The following GREB1L variants were observed in gnomAD, a reference collection of about 807,000 sequenced individuals.
The protein encoded by GREB1L is GREB1 like retinoic acid receptor coactivator.
GREB1L carries 17 observed loss-of-function variants against 200.8 expected under a neutral mutation model. That is an observed-to-expected ratio of 0.08 (90% CI 0.06 to 0.13). The LOEUF is 0.13. Ranked by LOEUF, GREB1L falls within the 10% of genes least tolerant of loss-of-function variation. The pLI is 1.00. For missense variants in GREB1L, 1,657 were observed against 2,367.7 expected (o/e 0.70, Z 6.23); for synonymous variants, 789 against 893.0 (o/e 0.88, Z 2.08).
chr18:21,311,788 G>A (rs112406458), intron 1 of GREB1L, among the ~76,000 whole-genome samples: 4 of 152,084 alleles, frequency 2.6e-5, no homozygotes, highest in African/African-American at 9.6e-5. Context: ...ATGTGGAAAT[G>A]TATACATTTT....
chr18:21,444,204 A>T lies in GREB1L; in HGVS notation c.1208-20A>T, dbSNP rs1386204607. The T allele has an allele frequency of 2.6e-6, 4 of 1,536,240 alleles. No individual in the cohort carries two copies. In the South Asian group the frequency reaches 3.6e-5, roughly 14 times the overall value. On this transcript the variant is annotated intron_variant, in intron 10 of 32. Transcript: ENST00000424526. ...TAAAAAGAAATGTTGAACTGTACTG[A>T]CCTGCTTCTATTGGGACAGGCTATG...
At chr18:21,339,522 A>G (rs751069911) in intron 1 of GREB1L, among the ~76,000 whole-genome samples, 4 of 152,240 alleles carry the variant, frequency 2.6e-5, no homozygotes, top group South Asian at 2.1e-4. Flanking sequence ...TGAAAAGCAT[A>G]TGATAGATTT....
intron 1 of GREB1L, among the ~76,000 whole-genome samples, chr18:21,352,216 TA>T (rs1412250695): frequency 6.6e-6 from 1 of 152,158 alleles, no homozygotes; most frequent in Non-Finnish European, 1.5e-5. Context: ...AATGGGGTAT[TA>T]AAAACAAGTT....
intron 1 of GREB1L, among the ~76,000 whole-genome samples, chr18:21,278,932 T>C (rs1195188261): frequency 1.3e-5 from 2 of 152,196 alleles, no homozygotes; most frequent in Non-Finnish European, 2.9e-5. Flanking sequence ...ATAGTTCCTA[T>C]ACATCTGAAC....
chr18:21,448,429 A>G (rs1156839697), intron 11 of GREB1L, among the ~76,000 whole-genome samples: 1 of 152,202 alleles, frequency 6.6e-6, no homozygotes, highest in Non-Finnish European at 1.5e-5. Context: ...CCCAGAAAAG[A>G]TGGGAAGGGC....
intron 1 of GREB1L, among the ~76,000 whole-genome samples, chr18:21,295,628 C>T (rs919519155): frequency 2.0e-5 from 3 of 152,184 alleles, no homozygotes; most frequent in Non-Finnish European, 4.4e-5. Flanking sequence ...CCTGCCAGGC[C>T]TTGAGCATAT....
intron 1 of GREB1L, among the ~76,000 whole-genome samples, chr18:21,298,856 T>C (rs2038571545): frequency 6.8e-6 from 1 of 146,530 alleles, no homozygotes; most frequent in Non-Finnish European, 1.5e-5. Context: ...ATCACTGGAG[T>C]CTGGGAGGTT....
At chr18:21,257,232 T>G (rs2037815236) in intron 1 of GREB1L, among the ~76,000 whole-genome samples, 1 of 152,092 alleles carries the variant, frequency 6.6e-6, no homozygotes, top group South Asian at 2.1e-4. Flanking sequence ...CTTCCCAAAG[T>G]GCTGGGATTA....
At position 21,524,215 on chromosome 18, in the gene GREB1L, T is replaced by C. The variant is rs1463962019; in HGVS notation, c.*1394T>C. 2 of 152,200 alleles carry C rather than the reference T, an allele frequency of 1.3e-5. No individual in the cohort carries two copies. Among genetic ancestry groups the C allele is most frequent in the Non-Finnish European group, 2.9e-5 (2 of 68,044 alleles). 9.4% of individuals were successfully genotyped at this position (152,200 alleles called of 1,614,324 possible). ...ACTGAGGGGCCTACTAAGCCTGCAT[T>C]TACTTAGAACAAATAGTGTTAATTG... On this transcript the variant is annotated 3_prime_UTR_variant, in exon 33 of 33. Transcript: ENST00000424526.
chr18:21,395,725 T>A (rs987889529), intron 5 of GREB1L, among the ~76,000 whole-genome samples, 164 bp downstream of exon 5: 1 of 151,532 alleles, frequency 6.6e-6, no homozygotes, highest in African/African-American at 2.4e-5. Context: ...ACTTCTTTTT[T>A]TTTTTTCTTT....
intron 7 of GREB1L, among the ~76,000 whole-genome samples, chr18:21,437,680 A>G (rs1454293710): frequency 1.3e-5 from 2 of 152,214 alleles, no homozygotes; most frequent in Admixed American, 6.5e-5. Context: ...AGCAAAATCT[A>G]GAAAATGGAA....
At chr18:21,322,039 TAAG>T (rs1176586191) in intron 1 of GREB1L, among the ~76,000 whole-genome samples, 1 of 152,134 alleles carries the variant, frequency 6.6e-6, no homozygotes, top group Non-Finnish European at 1.5e-5. Context: ...AAAATTAGAA[TAAG>T]GAGGAGGTGA....
intron 16 of GREB1L, among the ~76,000 whole-genome samples, chr18:21,473,582 A>G (rs1401447333): frequency 1.1e-4 from 16 of 147,616 alleles, no homozygotes; most frequent in Admixed American, 7.6e-4. Context: ...AAAAAAAAAA[A>G]AAAAAGAAAG....
chr18:21,488,693 G>A (rs1300820831), intron 18 of GREB1L, among the ~76,000 whole-genome samples: 20 of 152,044 alleles, frequency 1.3e-4, no homozygotes, highest in Admixed American at 8.5e-4. Flanking sequence ...CTCTCACTCC[G>A]TCGCCCAGGC....
chr18:21,399,536 T>C (rs2041230485), intron 5 of GREB1L, among the ~76,000 whole-genome samples: 1 of 151,896 alleles, frequency 6.6e-6, no homozygotes, highest in Non-Finnish European at 1.5e-5. Flanking sequence ...TGGATAACTT[T>C]AGTGACCTAG....
chr18:21,490,130 C>G lies in GREB1L; in HGVS notation c.2809C>G (p.Leu937Val), dbSNP rs1457461070. ...SLRDHSTPET[L>V]SIMDDLISSP... ...CCGCGACCACAGCACACCAGAAACA[C>G]TCAGCATTATGGATGACCTCATCAG... The change falls in exon 19 of 33, where the codon CTC (leucine) becomes GTC (valine). Residue 937 changes from leucine to valine, a missense_variant. Around this residue, in one of 9 missense-constraint regions of GREB1L, gnomAD observed 82 missense variants for 95.9 expected, o/e 0.85. Coordinates refer to ENST00000424526, the MANE Select transcript of GREB1L (RefSeq NM_001142966.3). 6.4e-7 allele frequency: 1 copy of G among 1,551,872 alleles called. No homozygotes were observed. The highest frequency in any genetic ancestry group is 2.4e-5 in the East Asian group (1 of 40,916).
chr18:21,251,116 C>T (rs1457591385), intron 1 of GREB1L, among the ~76,000 whole-genome samples: 1 of 152,096 alleles, frequency 6.6e-6, no homozygotes, highest in African/African-American at 2.4e-5. Context: ...GCCAGGAGTT[C>T]GAGACTAGCC....
chr18:21,321,534 A>C (rs1053523779), intron 1 of GREB1L, among the ~76,000 whole-genome samples: 32 of 151,848 alleles, frequency 2.1e-4, no homozygotes, highest in Non-Finnish European at 3.7e-4. Flanking sequence ...AAAATACAAA[A>C]AAATTAGCTG....
intron 2 of GREB1L, among the ~76,000 whole-genome samples, chr18:21,373,240 C>T (rs960934494): frequency 6.6e-6 from 1 of 152,150 alleles, no homozygotes; most frequent in African/African-American, 2.4e-5. Context: ...TCCCTATCAA[C>T]CTTCTGTCTC....
Sources: allele counts gnomAD v4.1 joint callset (sites outside exome capture counted in the v4.1 genomes callset), GRCh38; gene constraint gnomAD v4.1.1; regional missense constraint gnomAD v4.1.1; transcripts MANE v1.5; gene names NCBI Gene and HGNC (gene_info 2026-07-23, HGNC 2026-07-21).